PHF10: variants seen among roughly 807,000 people sequenced by gnomAD.
PHF10 encodes the protein BRG1-associated factor 45a.
Under a neutral mutation model 68.5 loss-of-function variants are expected in PHF10, and 51 were observed. The observed-to-expected ratio is 0.74, with a 90% CI of 0.59 to 0.94. The LOEUF is 0.94. Among genes scored for constraint, PHF10 ranks in the 40% least tolerant of loss-of-function variants. The pLI is 0.00. For synonymous variants in PHF10, 204 were observed against 203.5 expected, an observed-to-expected ratio of 1.00 and a Z score of -0.02; for missense variants, 460 against 602.6, an observed-to-expected ratio of 0.76 and a Z score of 2.48.
Position 169,703,995 on chromosome 6 carries a change from A to T in PHF10, c.*8T>A. The T allele has an allele frequency of 6.3e-7, 1 of 1,595,060 alleles. No individual in the cohort carries two copies. Among genetic ancestry groups the T allele is most frequent in the East Asian group, 2.3e-5 (1 of 43,864 alleles). On this transcript the variant is annotated 3_prime_UTR_variant, in exon 12 of 12. Transcript: ENST00000339209. ...AATGCATATACAGTATTAGAGTCAA[A>T]AACTATTTTATCCCTCTTTGCTGTT... is the stretch of plus-strand genomic sequence containing the variant.
In PHF10 at chr6:169,703,966, C is replaced by A. The variant is rs1402567508; in HGVS notation, c.*37G>T. 15 of 1,442,802 alleles carry A rather than the reference C, an allele frequency of 1.0e-5. No individual in the cohort carries two copies. Among genetic ancestry groups the A allele is most frequent in the Non-Finnish European group, 1.4e-5 (15 of 1,066,154 alleles). 89.4% of individuals were successfully genotyped at this position (1,442,802 alleles called of 1,614,324 possible). ...GTTGTAAATGGCACCAAATATTCCA[C>A]TTAAATGCATATACAGTATTAGAGT... On this transcript the variant is annotated 3_prime_UTR_variant, in exon 12 of 12. Coordinates refer to ENST00000339209, the MANE Select transcript of PHF10 (RefSeq NM_018288.4).
Position 169,715,732 on chromosome 6 carries a change from T to G in PHF10, c.669A>C (p.Arg223Ser). 1 of 1,612,160 alleles carries G rather than the reference T, an allele frequency of 6.2e-7. No individual in the cohort carries two copies. Among genetic ancestry groups the G allele is most frequent in the African/African-American group, 1.3e-5 (1 of 74,948 alleles). Reference sequence around the variant, plus strand: ...CATGTGTCTGCAAGTCAAAATAAGCTCTTCTTTCTTCCATGCGTTCCCGGT... The same window carrying G: ...CATGTGTCTGCAAGTCAAAATAAGCGCTTCTTTCTTCCATGCGTTCCCGGT... Reference protein sequence around the residue: ...NLNRERMEERRAYFDLQTHVI... With the variant: ...NLNRERMEERSAYFDLQTHVI... Residue 223 changes from arginine to serine, a missense_variant, in exon 6 of 12, where the codon AGA becomes AGC. By Grantham distance (110) the Arg-to-Ser change is moderately radical. Around this residue, in one of 3 missense-constraint regions of PHF10, gnomAD observed 256 missense variants for 410.5 expected, o/e 0.62. Coordinates refer to ENST00000339209, the MANE Select transcript of PHF10 (RefSeq NM_018288.4).
chr6:169,709,512 C>CT (rs1788880706), intron 9 of PHF10: 1 of 152,106 alleles, frequency 6.6e-6, no homozygotes, highest in Non-Finnish European at 1.5e-5. Flanking sequence ...CTCACCTCAC[C>CT]TTTTCTTCAG....
At chr6:169,704,806 G>T in intron 11 of PHF10, 1 of 211,322 alleles carries the variant, frequency 4.7e-6, no homozygotes. Flanking sequence ...TAAAGACGTA[G>T]CAGTCATTTT....
intron 1 of PHF10, among the ~76,000 whole-genome samples, chr6:169,722,733 CAA>C (rs1438827246): frequency 6.6e-6 from 1 of 152,184 alleles, no homozygotes; most frequent in African/African-American, 2.4e-5. Flanking sequence ...CCCATGTTTT[CAA>C]AGACTCCCAA....
intron 11 of PHF10, 36 bp downstream of exon 11, chr6:169,705,097 C>G: frequency 6.6e-7 from 1 of 1,519,828 alleles, no homozygotes; most frequent in Non-Finnish European, 8.9e-7. Context: ...AGTCTCATCA[C>G]CCAAAGATAA....
chr6:169,722,604 A>G (rs1432282411), intron 1 of PHF10, among the ~76,000 whole-genome samples: 2 of 152,250 alleles, frequency 1.3e-5, no homozygotes, highest in Non-Finnish European at 2.9e-5. Flanking sequence ...ATTATTATAT[A>G]AAGTGAGCAT....
intron 1 of PHF10, among the ~76,000 whole-genome samples, chr6:169,722,931 CAG>C (rs1464118895): frequency 6.6e-6 from 1 of 152,228 alleles, no homozygotes; most frequent in Non-Finnish European, 1.5e-5. Flanking sequence ...GATGTGCATT[CAG>C]AGTCTTACAA....
chr6:169,716,034 G>A lies in PHF10; in HGVS notation c.464C>T (p.Pro155Leu), dbSNP rs1366564639. The change falls in exon 5 of 12, where the codon CCA becomes CTA. Residue 155 changes from proline to leucine, a missense_variant. This residue lies in a region of PHF10 where 256 missense variants were observed against 410.5 expected (regional missense o/e 0.62). Coordinates refer to ENST00000339209, the MANE Select transcript of PHF10 (RefSeq NM_018288.4). ...EVIDLMIKEY[P>L]AKHAEYSVIL... ...AACAGAATACTCAGCATGTTTGGCT[G>A]GATATTCTTTTATCATTAAATCAAT... is the stretch of plus-strand genomic sequence containing the variant. 6.2e-7 allele frequency: 1 copy of A among 1,608,892 alleles called. No homozygotes were observed. The highest frequency in any genetic ancestry group is 1.7e-5 in the Admixed American group (1 of 59,456).
chr6:169,720,587 GTAAC>G (rs1465194043), intron 2 of PHF10, among the ~76,000 whole-genome samples: 3 of 152,084 alleles, frequency 2.0e-5, no homozygotes, highest in Non-Finnish European at 4.4e-5. Flanking sequence ...CTTATATGAA[GTAAC>G]TAAGTAGTCG....
At chr6:169,721,289 C>A (rs1304288263) in intron 1 of PHF10, among the ~76,000 whole-genome samples, 178 bp from the exon 2 acceptor site, 1 of 152,178 alleles carries the variant, frequency 6.6e-6, no homozygotes, top group Admixed American at 6.5e-5. Context: ...TAAAACTGAT[C>A]TTCAATCCAA....
chr6:169,719,350 G>C (rs1789124215), intron 2 of PHF10: 1 of 155,894 alleles, frequency 6.4e-6, no homozygotes, highest in African/African-American at 2.4e-5. Context: ...TGAGAAAACA[G>C]AACTCTTAAA....
At position 169,704,083 on chromosome 6, in the gene PHF10, AGCGACCTAGG is replaced by A. The variant is rs1195498536; in HGVS notation, c.1412-5_1416del. ...GCCCGCTGACAACAGTCACAAATCC[AGCGACCTAGG>A]AAAAAAATTGTTAATATAGAATGAA... On this transcript the variant is annotated splice_acceptor_variant and splice_polypyrimidine_tract_variant and coding_sequence_variant and intron_variant, in exon 12 of 12. Coordinates refer to ENST00000339209, the MANE Select transcript of PHF10 (RefSeq NM_018288.4). LOFTEE classifies it high-confidence loss of function. 1 of 1,577,138 alleles carries A rather than the reference AGCGACCTAGG, an allele frequency of 6.3e-7. No individual in the cohort carries two copies. Among genetic ancestry groups the A allele is most frequent in the Non-Finnish European group, 8.5e-7 (1 of 1,170,114 alleles).
chr6:169,720,719 TG>T lies in PHF10; in HGVS notation c.194+285del, dbSNP rs561713582. ...TAGTGAAAGTTTTGGAAATGGATGG[TG>T]GTAATGGCTGCACAACACTGTGAAT... On this transcript the variant is annotated intron_variant, in intron 2 of 11. Coordinates refer to ENST00000339209, the MANE Select transcript of PHF10 (RefSeq NM_018288.4). Among the ~76,000 whole-genome samples the T allele has an allele frequency of 1.9e-3, 292 of 152,294 alleles. 2 individuals carry two copies. Among genetic ancestry groups the T allele is most frequent in the African/African-American group, 6.3e-3 (263 of 41,580 alleles).
intron 1 of PHF10, among the ~76,000 whole-genome samples, chr6:169,721,640 C>G (rs1460280247): frequency 1.3e-5 from 2 of 151,626 alleles, no homozygotes; most frequent in East Asian, 1.9e-4. Flanking sequence ...TAGCAGCACA[C>G]ACACCAAAAA....
In PHF10 at chr6:169,703,986, T is replaced by G. The variant is rs1788660496; in HGVS notation, c.*17A>C. 1.9e-6 allele frequency: 3 copies of G among 1,575,356 alleles called. No individual in the cohort carries two copies. Among genetic ancestry groups the G allele is most frequent in the African/African-American group, 2.7e-5 (2 of 73,498 alleles). ...TTCCACTTAAATGCATATACAGTAT[T>G]AGAGTCAAAAACTATTTTATCCCTC... On this transcript the variant is annotated 3_prime_UTR_variant, in exon 12 of 12. Transcript: ENST00000339209.
intron 11 of PHF10, chr6:169,704,609 G>T (rs921914497): frequency 1.2e-5 from 2 of 169,392 alleles, no homozygotes; most frequent in African/African-American, 2.4e-5. Flanking sequence ...AAACTTCGTT[G>T]TAGGCATATA....
intron 9 of PHF10, 168 bp downstream of exon 9, chr6:169,710,068 A>G (rs1316256145): frequency 6.9e-5 from 34 of 496,074 alleles, no homozygotes; most frequent in Non-Finnish European, 1.2e-4. Flanking sequence ...CAGAAAAGCC[A>G]CCAAGGAAAT....
intron 4 of PHF10, among the ~76,000 whole-genome samples, chr6:169,716,587 G>T (rs1789052941): frequency 1.3e-5 from 2 of 151,970 alleles, no homozygotes; most frequent in East Asian, 1.9e-4. Flanking sequence ...TTCACCAATT[G>T]CTAAAATGCA....
Sources: gnomAD v4.1 joint callset for allele counts (sites outside exome capture counted in the v4.1 genomes callset) on GRCh38, gnomAD v4.1.1 for gene constraint, gnomAD v4.1.1 regional missense constraint, MANE v1.5 for transcripts, NCBI Gene and HGNC (gene_info 2026-07-23, HGNC 2026-07-21) for gene names.